Variants in RNF180 observed in about 807,000 individuals in gnomAD.
The protein encoded by RNF180 is E3 ubiquitin-protein ligase RNF180.
In RNF180, 38 loss-of-function variants were observed where a neutral mutation model predicts 59.2. The ratio of observed to expected loss-of-function variants is 0.64; its 90% CI spans 0.50 to 0.84. RNF180 has a LOEUF of 0.84. Ranked by LOEUF, RNF180 falls within the 40% of genes least tolerant of loss-of-function variation. RNF180 has a pLI of 0.00. For missense variants in RNF180, 705 were observed against 700.9 expected (o/e 1.01, Z -0.07); for synonymous variants, 262 against 240.3 (o/e 1.09, Z -0.84).
intron 5 of RNF180, among the ~76,000 whole-genome samples, chr5:64,233,952 A>G (rs1742249088): frequency 6.6e-6 from 1 of 152,144 alleles, no homozygotes; most frequent in Non-Finnish European, 1.5e-5. Context: ...AACTTATCAT[A>G]CTACATGGCT....
At chr5:64,346,088 C>T (rs1373956499) in intron 7 of RNF180, among the ~76,000 whole-genome samples, 3 of 151,752 alleles carry the variant, frequency 2.0e-5, no homozygotes, top group Non-Finnish European at 4.4e-5. Context: ...TAAAGAACTC[C>T]AGGAGAGATA....
chr5:64,223,859 A>AG (rs1741501724), intron 5 of RNF180, among the ~76,000 whole-genome samples: 6 of 152,008 alleles, frequency 3.9e-5, no homozygotes, highest in Admixed American at 3.3e-4. Flanking sequence ...ATGGAAGTAG[A>AG]GGGGGGGAGA....
intron 5 of RNF180, among the ~76,000 whole-genome samples, chr5:64,309,004 C>G (rs1336817263): frequency 2.6e-5 from 4 of 151,664 alleles, no homozygotes; most frequent in Non-Finnish European, 5.9e-5. Flanking sequence ...CTTTTCTCAT[C>G]CTTGCTGTCC....
intron 5 of RNF180, among the ~76,000 whole-genome samples, chr5:64,293,947 A>C (rs550038796): frequency 1.6e-4 from 24 of 152,324 alleles, no homozygotes; most frequent in Non-Finnish European, 2.6e-4. Flanking sequence ...ATTATCATGC[A>C]TAGTCATATT....
chr5:64,327,483 C>A (rs1379455893), intron 6 of RNF180, among the ~76,000 whole-genome samples: 2 of 152,040 alleles, frequency 1.3e-5, no homozygotes, highest in Admixed American at 1.3e-4. Flanking sequence ...TATTATATTT[C>A]TATTTTCACT....
chr5:64,175,773 A>G (rs1026418508), intron 1 of RNF180, among the ~76,000 whole-genome samples: 2 of 151,954 alleles, frequency 1.3e-5, no homozygotes, highest in Non-Finnish European at 2.9e-5. Context: ...ATCCTCTTCA[A>G]TTTCTTTTAT....
In RNF180 at chr5:64,369,699, A is replaced by G; in HGVS notation, c.1664A>G (p.Asp555Gly). 2.6e-6 allele frequency: 4 copies of G among 1,548,314 alleles called. No individual in the cohort carries two copies. The highest frequency in any genetic ancestry group is 3.5e-6 in the Non-Finnish European group (4 of 1,145,220). Residue 555 changes from aspartate (D) to glycine (G), a missense_variant, in exon 8 of 8, where the codon GAT becomes GGT. Transcript: ENST00000389100. ...ATGGATTACCTGCACTTTGAGGATG[A>G]TAGCCGTGGATGGTGGTTTGACATG... is the stretch of plus-strand genomic sequence containing the variant. ...HRMDYLHFED[D>G]SRGWWFDMDM...
At chr5:64,253,696 G>A (rs1743737631) in intron 5 of RNF180, among the ~76,000 whole-genome samples, 1 of 152,010 alleles carries the variant, frequency 6.6e-6, no homozygotes, top group Admixed American at 6.6e-5. Context: ...AAATAATATA[G>A]TTAGTACTAG....
At position 64,372,539 on chromosome 5, in the gene RNF180, A is replaced by G. The variant is rs563932911; in HGVS notation, c.*2725A>G. On this transcript the variant is annotated 3_prime_UTR_variant, in exon 8 of 8. Coordinates refer to ENST00000389100, the MANE Select transcript of RNF180 (RefSeq NM_001113561.2). ...CTGTGGCATAACAAAATTCCAGTTA[A>G]TAAAATTTTCATTTAAATGTCTTTT... 6.6e-6 allele frequency: 1 copy of G among 152,088 alleles called. No homozygotes were observed. Among genetic ancestry groups the G allele is most frequent in the African/African-American group, 2.4e-5 (1 of 41,560 alleles). 9.4% of individuals were successfully genotyped at this position (152,088 alleles called of 1,614,324 possible). A position where few individuals can be genotyped will look rare whatever the true frequency, so the allele number is the denominator to read the frequency against.
At chr5:64,227,019 T>C (rs1741809300) in intron 5 of RNF180, among the ~76,000 whole-genome samples, 3 of 152,174 alleles carry the variant, frequency 2.0e-5, no homozygotes, top group African/African-American at 7.2e-5. Flanking sequence ...TGCTTAGGCA[T>C]TTAAATGAGA....
chr5:64,190,376 C>T (rs1013083325), intron 1 of RNF180, among the ~76,000 whole-genome samples: 8 of 152,248 alleles, frequency 5.3e-5, no homozygotes, highest in African/African-American at 1.9e-4. Context: ...TTCACAGTTT[C>T]ACAGCTGGAG....
chr5:64,270,339 A>G (rs911639369), intron 5 of RNF180, among the ~76,000 whole-genome samples: 1 of 152,162 alleles, frequency 6.6e-6, no homozygotes, highest in African/African-American at 2.4e-5. Context: ...TGGACCAGGA[A>G]AAGGGAAATT....
At chr5:64,169,526 G>A (rs889551176) in intron 1 of RNF180, among the ~76,000 whole-genome samples, 4 of 152,312 alleles carry the variant, frequency 2.6e-5, no homozygotes, top group African/African-American at 7.2e-5. Context: ...CTATCAGAAA[G>A]ATAATACCAA....
intron 5 of RNF180, among the ~76,000 whole-genome samples, chr5:64,261,473 AT>A (rs1402344156): frequency 1.3e-5 from 2 of 152,130 alleles, no homozygotes; most frequent in African/African-American, 4.8e-5. Context: ...TTTCAAAAAA[AT>A]TTTTTAAGTG....
chr5:64,311,384 C>G (rs983631770), intron 5 of RNF180, among the ~76,000 whole-genome samples: 1 of 151,854 alleles, frequency 6.6e-6, no homozygotes, highest in African/African-American at 2.4e-5. Context: ...ATGGCATGTA[C>G]TAAAGTATAG....
At chr5:64,274,514 G>C (rs1489798955) in intron 5 of RNF180, among the ~76,000 whole-genome samples, 2 of 151,918 alleles carry the variant, frequency 1.3e-5, no homozygotes, top group Admixed American at 1.3e-4. Context: ...TGTCTTGGCT[G>C]TTCTGAATTA....
At chr5:64,252,176 C>A (rs949630895) in intron 5 of RNF180, among the ~76,000 whole-genome samples, 1 of 152,094 alleles carries the variant, frequency 6.6e-6, no homozygotes, top group Non-Finnish European at 1.5e-5. Context: ...AGCATAAAAA[C>A]AAACACATAT....
intron 7 of RNF180, among the ~76,000 whole-genome samples, chr5:64,357,009 A>G (rs186664217): frequency 1.3e-5 from 2 of 151,960 alleles, no homozygotes; most frequent in Admixed American, 1.3e-4. Flanking sequence ...AATAAAAACT[A>G]TTTTTTTAAA....
intron 6 of RNF180, among the ~76,000 whole-genome samples, chr5:64,329,999 G>A (rs1744829256): frequency 6.6e-6 from 1 of 152,132 alleles, no homozygotes; most frequent in African/African-American, 2.4e-5. Flanking sequence ...GAGGGACGAT[G>A]TCCTATTTAT....
Sources: gnomAD v4.1 joint callset for allele counts (sites outside exome capture counted in the v4.1 genomes callset) on GRCh38, gnomAD v4.1.1 for gene constraint, MANE v1.5 for transcripts, NCBI Gene and HGNC (gene_info 2026-07-23, HGNC 2026-07-21) for gene names.